The following PLCXD3 variants were observed in gnomAD, a reference collection of about 807,000 sequenced individuals.
PLCXD3 encodes the protein PI-PLC X domain-containing protein 3.
A neutral mutation model predicts 25.5 loss-of-function variants in PLCXD3; 19 were observed. That is an observed-to-expected ratio of 0.75 (90% CI 0.52 to 1.09). The LOEUF (loss-of-function observed/expected upper bound fraction) is 1.09, where lower values mean the gene tolerates loss of function less well. Among genes scored for constraint, PLCXD3 ranks in the 50% least tolerant of loss-of-function variants. The probability of loss-of-function intolerance (pLI) is 0.00; values close to 1 mark genes in which losing one functional copy is unlikely to be tolerated. For missense variants in PLCXD3, 411 were observed against 388.1 expected (o/e 1.06, Z -0.50); for synonymous variants, 174 against 137.6 (o/e 1.26, Z -1.85).
Position 41,382,091 on chromosome 5 carries a change from AC to A in PLCXD3, c.546del (p.Lys182AsnfsTer30). 1.2e-6 allele frequency: 2 copies of A among 1,613,696 alleles called. No homozygotes were observed. Among genetic ancestry groups the A allele is most frequent in the East Asian group, 2.2e-5 (1 of 44,846 alleles). ...PAIFAQEVSLKYLWEKDYQVL... is the reference protein window; with the variant it reads ...PAIFAQEVSLXYLWEKDYQVL... ...ACTTGATAGTCCTTCTCCCACAGGT[AC>A]TTTAAACTAACTTCCTGGGCAAAAA... On this transcript the variant is annotated frameshift_variant, in exon 2 of 3. Transcript: ENST00000377801. LOFTEE classifies it high-confidence loss of function.
At chr5:41,409,041 G>A (rs1746438548) in intron 1 of PLCXD3, among the ~76,000 whole-genome samples, 2 of 152,222 alleles carry the variant, frequency 1.3e-5, no homozygotes, top group African/African-American at 2.4e-5. Flanking sequence ...GAGAGAACCA[G>A]AAGTGAACCC....
chr5:41,494,688 T>A (rs318045), intron 1 of PLCXD3, among the ~76,000 whole-genome samples: 27,365 of 152,130 alleles, frequency 0.18, 2,663 homozygotes, highest in Middle Eastern at 0.27. Flanking sequence ...GTGGGATATA[T>A]GAGGATAGAG....
chr5:41,333,705 C>CA (rs75318643), intron 2 of PLCXD3, among the ~76,000 whole-genome samples: 12,857 of 152,120 alleles, frequency 0.085, 830 homozygotes, highest in East Asian at 0.35. Context: ...AATACTCTAG[C>CA]AAGCAAGTCT....
At chr5:41,331,124 G>A (rs1023853047) in intron 2 of PLCXD3, among the ~76,000 whole-genome samples, 1 of 152,226 alleles carries the variant, frequency 6.6e-6, no homozygotes, top group South Asian at 2.1e-4. Context: ...GGAAATCAAG[G>A]GTATTCGATT....
chr5:41,398,646 A>G (rs943984565), intron 1 of PLCXD3, among the ~76,000 whole-genome samples: 1 of 152,210 alleles, frequency 6.6e-6, no homozygotes, highest in African/African-American at 2.4e-5. Flanking sequence ...ATTTCAATTG[A>G]TGCTGAAAAA....
At chr5:41,352,406 G>A (rs537007298) in intron 2 of PLCXD3, among the ~76,000 whole-genome samples, 1 of 152,206 alleles carries the variant, frequency 6.6e-6, no homozygotes, top group Admixed American at 6.5e-5. Context: ...CACTTTCTTT[G>A]TGAGGTTTTT....
intron 1 of PLCXD3, among the ~76,000 whole-genome samples, chr5:41,441,455 T>C (rs1218831816): frequency 6.6e-6 from 1 of 152,212 alleles, no homozygotes; most frequent in Admixed American, 6.5e-5. Context: ...AATGGAAAGC[T>C]AATTTCTCAT....
At chr5:41,442,811 T>G (rs1175511015) in intron 1 of PLCXD3, among the ~76,000 whole-genome samples, 3 of 152,126 alleles carry the variant, frequency 2.0e-5, no homozygotes, top group South Asian at 4.1e-4. Flanking sequence ...CTGATTGCAT[T>G]ACTCTTGTCT....
chr5:41,338,462 C>T (rs563878311), intron 2 of PLCXD3, among the ~76,000 whole-genome samples: 107 of 152,172 alleles, frequency 7.0e-4, no homozygotes, highest in African/African-American at 2.6e-3. Context: ...TGCATGTGCA[C>T]ACACACACAA....
chr5:41,474,617 C>T (rs1013099147), intron 1 of PLCXD3, among the ~76,000 whole-genome samples: 7 of 152,130 alleles, frequency 4.6e-5, no homozygotes, highest in Non-Finnish European at 7.4e-5. Context: ...CTTCCAAATC[C>T]CTGATTCTCT....
At chr5:41,403,751 T>G (rs372596943) in intron 1 of PLCXD3, among the ~76,000 whole-genome samples, 4,708 of 139,274 alleles carry the variant, frequency 0.034, 288 homozygotes, top group African/African-American at 0.12. Flanking sequence ...TTTTTATGGC[T>G]GCATAGTATT....
chr5:41,498,735 C>G (rs1179380078), intron 1 of PLCXD3, among the ~76,000 whole-genome samples: 1 of 151,706 alleles, frequency 6.6e-6, no homozygotes, highest in African/African-American at 2.4e-5. Flanking sequence ...CCCTAATAAA[C>G]ATAAATGAAT....
intron 1 of PLCXD3, among the ~76,000 whole-genome samples, chr5:41,485,907 T>C (rs1748508161): frequency 6.6e-6 from 1 of 152,130 alleles, no homozygotes; most frequent in Admixed American, 6.6e-5. Context: ...TTAGTATGAG[T>C]CTTGTTGAAG....
rs150845116 is a variant in PLCXD3 at position 41,441,593 on chromosome 5, C to T, written c.104-59059G>A. On this transcript the variant is annotated intron_variant, in intron 1 of 2. Coordinates refer to ENST00000377801, the MANE Select transcript of PLCXD3 (RefSeq NM_001005473.3). ...TCCAGAACATCTGCATTTGCCCACACGAGCCACCACTTCATTATGTAGATT... is the reference window on the plus strand; with the variant it reads ...TCCAGAACATCTGCATTTGCCCACATGAGCCACCACTTCATTATGTAGATT... Among the ~76,000 whole-genome samples the T allele has an allele frequency of 5.2e-4, 79 of 152,278 alleles. No homozygotes were observed. In the East Asian group the frequency reaches 7.5e-3, roughly 15 times the overall value.
chr5:41,337,918 A>G (rs1029741311), intron 2 of PLCXD3, among the ~76,000 whole-genome samples: 3 of 152,122 alleles, frequency 2.0e-5, no homozygotes, highest in African/African-American at 7.2e-5. Context: ...TCTCTTCATT[A>G]TATCTTTGGG....
At chr5:41,475,794 G>A (rs1374705729) in intron 1 of PLCXD3, 2 of 521,294 alleles carry the variant, frequency 3.8e-6, no homozygotes, top group African/African-American at 3.9e-5. Context: ...GTTACTACTT[G>A]AGACCATCAT....
chr5:41,462,483 A>G (rs1320830018), intron 1 of PLCXD3, among the ~76,000 whole-genome samples: 1 of 152,004 alleles, frequency 6.6e-6, no homozygotes, highest in Non-Finnish European at 1.5e-5. Context: ...GTATTTTTCA[A>G]TACTATAGGA....
chr5:41,329,617 G>T (rs889972059), intron 2 of PLCXD3, among the ~76,000 whole-genome samples: 6 of 151,888 alleles, frequency 4.0e-5, no homozygotes, highest in African/African-American at 1.2e-4. Flanking sequence ...TTGACTTGAA[G>T]AATTTTAACT....
chr5:41,501,785 A>G (rs1748956552), intron 1 of PLCXD3, among the ~76,000 whole-genome samples: 1 of 152,152 alleles, frequency 6.6e-6, no homozygotes, highest in African/African-American at 2.4e-5. Flanking sequence ...GAACCACATC[A>G]ATGTTGCTGA....
Sources: gnomAD v4.1 joint callset for allele counts (sites outside exome capture counted in the v4.1 genomes callset) on GRCh38, gnomAD v4.1.1 for gene constraint, MANE v1.5 for transcripts, NCBI Gene and HGNC (gene_info 2026-07-23, HGNC 2026-07-21) for gene names.